Variants in DHX8 observed in about 807,000 individuals in gnomAD.
DHX8 encodes the protein DEAH-box helicase 8, also known as ATP-dependent RNA helicase DHX8.
Under a neutral mutation model 140.7 loss-of-function variants are expected in DHX8, and 67 were observed. That is an observed-to-expected ratio of 0.48 (90% CI 0.39 to 0.58). DHX8 has a LOEUF of 0.58. Ranked by LOEUF, DHX8 falls within the 20% of genes least tolerant of loss-of-function variation. DHX8 has a pLI of 0.00. For missense variants in DHX8, 887 were observed against 1,550.7 expected, an observed-to-expected ratio of 0.57 and a Z score of 7.19; for synonymous variants, 533 against 553.2, an observed-to-expected ratio of 0.96 and a Z score of 0.51.
In DHX8 at chr17:43,524,555, A is replaced by G. The variant is rs536306400; in HGVS notation, c.*708A>G. 7 of 986,258 alleles carry G rather than the reference A, an allele frequency of 7.1e-6. No homozygotes were observed. The African/African-American group carries it at 1.0e-4, about 15-fold the overall frequency. The allele number at this position is 986,258 out of a possible 1,614,324, so 61.1% of individuals were successfully genotyped here. A position where few individuals can be genotyped will look rare whatever the true frequency, so the allele number is the denominator to read the frequency against. ...GTGCTGGGGGATCACCCGATGATCA[A>G]CCATGTCCTCTCCACAGAGCACTTC... On this transcript the variant is annotated 3_prime_UTR_variant, in exon 23 of 23. Coordinates refer to ENST00000262415, the MANE Select transcript of DHX8 (RefSeq NM_004941.3).
At chr17:43,500,926 T>A (rs919171444) in intron 11 of DHX8, among the ~76,000 whole-genome samples, 1 of 152,020 alleles carries the variant, frequency 6.6e-6, no homozygotes, top group Non-Finnish European at 1.5e-5. Flanking sequence ...AAAATTTTTA[T>A]TCTAAAGGTA....
At chr17:43,526,533 T>A (rs1342257190), downstream of DHX8, 8 of 1,535,730 alleles carry the variant, frequency 5.2e-6, no homozygotes, top group Non-Finnish European at 6.1e-6. Context: ...TGTAGCTGTC[T>A]CATTGGAGCA....
intron 3 of DHX8, 77 bp downstream of exon 3, chr17:43,490,540 C>A: frequency 8.0e-7 from 1 of 1,247,022 alleles, no homozygotes; most frequent in Non-Finnish European, 1.1e-6. Flanking sequence ...CATTTGTTTT[C>A]CTCTCAGCAG....
intron 2 of DHX8, among the ~76,000 whole-genome samples, chr17:43,534,585 T>C (rs1000475188): frequency 1.3e-5 from 2 of 152,166 alleles, no homozygotes; most frequent in African/African-American, 4.8e-5. Flanking sequence ...GGGCCTGTAG[T>C]TTTCCTGAGT....
At chr17:43,514,749 T>C (rs760148256) in intron 17 of DHX8, among the ~76,000 whole-genome samples, 15 of 152,208 alleles carry the variant, frequency 9.9e-5, no homozygotes, top group Admixed American at 2.0e-4. Context: ...AGAGGAAACC[T>C]GGAAAAAATT....
chr17:43,492,118 C>T (rs1968552924), intron 4 of DHX8, 65 bp from the exon 5 acceptor site: 1 of 1,082,304 alleles, frequency 9.2e-7, no homozygotes, highest in Non-Finnish European at 1.4e-6. Flanking sequence ...TATAGATGTA[C>T]CTGAGGTACA....
At position 43,489,543 on chromosome 17, in the gene DHX8, A is replaced by G; in HGVS notation, c.234+9A>G. ...ATGGTGCAGAATTTACGGTATGTAT[A>G]TGTGGAGAAGATAATCTGTAGATAT... is the stretch of plus-strand genomic sequence containing the variant. On this transcript the variant is annotated intron_variant, in intron 2 of 22. Coordinates refer to ENST00000262415, the MANE Select transcript of DHX8 (RefSeq NM_004941.3). 6.5e-7 allele frequency: 1 copy of G among 1,527,846 alleles called. No homozygotes were observed. The highest frequency in any genetic ancestry group is 9.0e-7 in the Non-Finnish European group (1 of 1,106,388). The allele number at this position is 1,527,846 out of a possible 1,614,324, so 94.6% of individuals were successfully genotyped here.
intron 12 of DHX8, 139 bp downstream of exon 12, chr17:43,504,964 A>G: frequency 1.2e-6 from 1 of 826,686 alleles, no homozygotes; most frequent in Non-Finnish European, 1.8e-6. Flanking sequence ...AAAGAAGGAT[A>G]AAACTTTCTA....
chr17:43,492,730 G>C lies in DHX8; in HGVS notation c.553G>C (p.Asp185His), dbSNP rs373631753. The change falls in exon 6 of 23, where the codon GAT (aspartate) becomes CAT (histidine). Residue 185 changes from aspartate (D) to histidine (H), a missense_variant. Coordinates refer to ENST00000262415, the MANE Select transcript of DHX8 (RefSeq NM_004941.3). ...KRSRSRDRNR[D>H]RDRDRERNRD... Reference sequence around the variant, plus strand: ...GAGTCGAAGCCGAGATCGAAACCGAGATCGAGACAGAGATAGGGAACGAAA... The same window carrying C: ...GAGTCGAAGCCGAGATCGAAACCGACATCGAGACAGAGATAGGGAACGAAA... 6.2e-7 allele frequency: 1 copy of C among 1,613,072 alleles called. No homozygotes were observed. The highest frequency in any genetic ancestry group is 1.3e-5 in the African/African-American group (1 of 74,910).
At chr17:43,528,726 G>C (rs556620242), downstream of DHX8, 1 of 1,614,092 alleles carries the variant, frequency 6.2e-7, no homozygotes, top group Admixed American at 1.7e-5. Flanking sequence ...ACTTGTACAC[G>C]TAACGCTCAC....
chr17:43,537,586 C>T (rs1160394386), intron 3 of DHX8, among the ~76,000 whole-genome samples: 1 of 151,028 alleles, frequency 6.6e-6, no homozygotes, highest in Non-Finnish European at 1.5e-5. Flanking sequence ...ATCCCAGCTA[C>T]TCGGAAGGCT....
Position 43,524,722 on chromosome 17 carries a change from T to G in DHX8, c.*875T>G. On this transcript the variant is annotated 3_prime_UTR_variant, in exon 23 of 23. Transcript: ENST00000262415. ...ACTAAGTAACAACACAGCTTTTATT[T>G]TATTTTGTTTTTATTTTTTTCCCCT... 2 of 985,444 alleles carry G rather than the reference T, an allele frequency of 2.0e-6. No individual in the cohort carries two copies. Among genetic ancestry groups the G allele is most frequent in the Non-Finnish European group, 2.4e-6 (2 of 829,930 alleles). 61.0% of individuals were successfully genotyped at this position (985,444 alleles called of 1,614,324 possible).
chr17:43,486,413 A>G (rs567447714), intron 1 of DHX8, among the ~76,000 whole-genome samples: 5 of 152,292 alleles, frequency 3.3e-5, no homozygotes, highest in African/African-American at 7.2e-5. Context: ...TTTCCGATGA[A>G]AACTGGAAAA....
chr17:43,532,741 A>G (rs759438318), intron 2 of DHX8: 2 of 1,613,908 alleles, frequency 1.2e-6, no homozygotes, highest in South Asian at 2.2e-5. Context: ...ACCTGTGCCC[A>G]TTGACCCCAC....
downstream of DHX8, chr17:43,529,484 G>T: frequency 1.9e-6 from 3 of 1,594,394 alleles, no homozygotes; most frequent in African/African-American, 1.3e-5. Flanking sequence ...AGGAGGGCTG[G>T]GAACATCCGA....
At position 43,525,332 on chromosome 17, in the gene DHX8, A is replaced by G. The variant is rs1197999343; in HGVS notation, c.*1485A>G. 4 of 983,028 alleles carry G rather than the reference A, an allele frequency of 4.1e-6. No homozygotes were observed. Among genetic ancestry groups the G allele is most frequent in the Non-Finnish European group, 4.8e-6 (4 of 827,832 alleles). The allele number at this position is 983,028 out of a possible 1,614,324, so 60.9% of individuals were successfully genotyped here. On this transcript the variant is annotated 3_prime_UTR_variant, in exon 23 of 23. Coordinates refer to ENST00000262415, the MANE Select transcript of DHX8 (RefSeq NM_004941.3). ...ACTAAGAGAGACTATGTAACATTCCAGGATATAAAGGAATGTATGTTGTCA... is the reference window on the plus strand; with the variant it reads ...ACTAAGAGAGACTATGTAACATTCCGGGATATAAAGGAATGTATGTTGTCA...
intron 1 of DHX8, among the ~76,000 whole-genome samples, chr17:43,487,536 T>G (rs962129526): frequency 6.6e-6 from 1 of 152,188 alleles, no homozygotes; most frequent in Non-Finnish European, 1.5e-5. Flanking sequence ...GTATTTTTTG[T>G]AGAGATGGTG....
intron 2 of DHX8, chr17:43,533,476 G>T: frequency 1.1e-6 from 1 of 884,810 alleles, no homozygotes; most frequent in Non-Finnish European, 1.7e-6. Context: ...GCTGAGAAGG[G>T]AACGGCAGGA....
At chr17:43,521,633 CTG>C (rs911502089) in intron 21 of DHX8, 68 bp downstream of exon 21, 4 of 1,457,450 alleles carry the variant, frequency 2.7e-6, no homozygotes, top group Admixed American at 3.7e-5. Flanking sequence ...CTTTTCATCT[CTG>C]TGTGTACCTA....
Sources: gnomAD v4.1 joint callset for allele counts (sites outside exome capture counted in the v4.1 genomes callset) on GRCh38, gnomAD v4.1.1 for gene constraint, MANE v1.5 for transcripts, NCBI Gene and HGNC (gene_info 2026-07-23, HGNC 2026-07-21) for gene names.